Variants in CCSER1 observed in about 807,000 individuals in gnomAD.
CCSER1 encodes coiled-coil serine rich protein 1.
Under a neutral mutation model 82.0 loss-of-function variants are expected in CCSER1, and 41 were observed. The observed-to-expected ratio is 0.50, with a 90% CI of 0.39 to 0.65. CCSER1 has a LOEUF of 0.65. Ranked by LOEUF, CCSER1 falls within the 30% of genes least tolerant of loss-of-function variation. CCSER1 has a pLI of 0.00. For missense variants in CCSER1, 1,119 were observed against 1,064.2 expected, an observed-to-expected ratio of 1.05 and a Z score of -0.72; for synonymous variants, 414 against 383.9, an observed-to-expected ratio of 1.08 and a Z score of -0.92.
intron 6 of CCSER1, among the ~76,000 whole-genome samples, chr4:90,718,548 T>C (rs1465493862): frequency 6.6e-6 from 1 of 152,122 alleles, no homozygotes; most frequent in Non-Finnish European, 1.5e-5. Flanking sequence ...AGCATTCCCA[T>C]ATGGAACATG....
At chr4:90,143,311 C>G (rs11947970) in intron 1 of CCSER1, among the ~76,000 whole-genome samples, 1 of 151,930 alleles carries the variant, frequency 6.6e-6, no homozygotes, top group Non-Finnish European at 1.5e-5. Flanking sequence ...CTATTTTAAA[C>G]TCTCACTACC....
chr4:91,161,953 G>A (rs184226444), intron 10 of CCSER1, among the ~76,000 whole-genome samples: 2 of 152,028 alleles, frequency 1.3e-5, no homozygotes, highest in Admixed American at 6.6e-5. Context: ...TTGCCCTGGC[G>A]AGAACTTCCA....
intron 5 of CCSER1, among the ~76,000 whole-genome samples, chr4:90,553,949 A>C (rs2153643181): frequency 6.6e-6 from 1 of 152,330 alleles, no homozygotes; most frequent in South Asian, 2.1e-4. Context: ...GCATTCTAAA[A>C]CCAAAGAACT....
At chr4:90,963,677 T>G (rs891808371) in intron 9 of CCSER1, among the ~76,000 whole-genome samples, 2 of 151,844 alleles carry the variant, frequency 1.3e-5, no homozygotes, top group African/African-American at 4.8e-5. Flanking sequence ...AGGCCTCAAG[T>G]GAAACCAGAC....
chr4:90,880,554 C>A (rs549662983), intron 8 of CCSER1, among the ~76,000 whole-genome samples: 1 of 152,296 alleles, frequency 6.6e-6, no homozygotes, highest in East Asian at 1.9e-4. Context: ...AGAGCAGTTC[C>A]ACTGCAGAGG....
chr4:91,015,118 T>C (rs945057201), intron 9 of CCSER1, among the ~76,000 whole-genome samples: 3 of 152,124 alleles, frequency 2.0e-5, no homozygotes, highest in African/African-American at 7.2e-5. Flanking sequence ...GATGTTAGTC[T>C]GTGAAATACT....
At chr4:91,397,806 G>A (rs987073365) in intron 10 of CCSER1, among the ~76,000 whole-genome samples, 5 of 151,884 alleles carry the variant, frequency 3.3e-5, no homozygotes, top group Admixed American at 1.3e-4. Context: ...GATTTCAGTG[G>A]CAATGTGAAA....
Position 90,237,004 on chromosome 4 carries a change from A to G in CCSER1, c.-41-71240A>G, listed in dbSNP as rs951098683. 2.0e-5 allele frequency among the ~76,000 whole-genome samples: 3 copies of G among 152,170 alleles called. No individual in the cohort carries two copies. The East Asian group carries it at 5.8e-4, about 29-fold the overall frequency. Reference sequence around the variant, plus strand: ...AAACCAGTGATGGTACTGTGTTTAAACATCTCAATATGGATATGGGTTTTG... The same window carrying G: ...AAACCAGTGATGGTACTGTGTTTAAGCATCTCAATATGGATATGGGTTTTG... On this transcript the variant is annotated intron_variant, in intron 1 of 10. Transcript: ENST00000509176.
chr4:90,437,908 GT>G (rs1330813955), intron 4 of CCSER1, among the ~76,000 whole-genome samples: 2 of 152,128 alleles, frequency 1.3e-5, no homozygotes, highest in South Asian at 4.1e-4. Context: ...TATGATCTGA[GT>G]TTTTATCAAC....
At position 90,283,745 on chromosome 4, in the gene CCSER1, T is replaced by G. The variant is rs574896667; in HGVS notation, c.-41-24499T>G. Among the ~76,000 whole-genome samples the G allele has an allele frequency of 2.1e-3, 321 of 152,200 alleles. 2 individuals carry two copies. Among genetic ancestry groups the G allele is most frequent in the African/African-American group, 7.2e-3 (299 of 41,570 alleles). On this transcript the variant is annotated intron_variant, in intron 1 of 10. Coordinates refer to ENST00000509176, the MANE Select transcript of CCSER1 (RefSeq NM_001145065.2). ...ATTCATATGTTGATGGACACTTAGG[T>G]TGATTCCATATCTTGGCTCTTGTGA... is the stretch of plus-strand genomic sequence containing the variant.
intron 5 of CCSER1, among the ~76,000 whole-genome samples, chr4:90,500,764 T>C (rs1446236978): frequency 2.0e-5 from 3 of 152,152 alleles, no homozygotes; most frequent in Admixed American, 1.3e-4. Context: ...ATTTTTATTA[T>C]AAAGTTTGAA....
intron 1 of CCSER1, among the ~76,000 whole-genome samples, chr4:90,286,897 C>G (rs2153463533): frequency 6.6e-6 from 1 of 152,084 alleles, no homozygotes; most frequent in African/African-American, 2.4e-5. Flanking sequence ...AAGAGGTGTT[C>G]TTTCTCTGTC....
intron 10 of CCSER1, among the ~76,000 whole-genome samples, chr4:91,338,153 C>T (rs545610553): frequency 2.6e-5 from 4 of 152,110 alleles, no homozygotes; most frequent in African/African-American, 9.7e-5. Flanking sequence ...ATTGTTTGTG[C>T]ACTTTCTTTC....
intron 5 of CCSER1, among the ~76,000 whole-genome samples, chr4:90,501,255 T>C (rs1018574551): frequency 6.6e-6 from 1 of 152,188 alleles, no homozygotes; most frequent in African/African-American, 2.4e-5. Context: ...TTCATAGTAG[T>C]AATAGAATGT....
At chr4:90,252,190 T>C (rs1722521916) in intron 1 of CCSER1, among the ~76,000 whole-genome samples, 1 of 151,884 alleles carries the variant, frequency 6.6e-6, no homozygotes. Flanking sequence ...AATCCAAAAA[T>C]TTGAAATCCA....
intron 6 of CCSER1, among the ~76,000 whole-genome samples, chr4:90,657,752 T>C (rs1227034764): frequency 1.3e-5 from 2 of 152,338 alleles, no homozygotes; most frequent in Admixed American, 6.5e-5. Context: ...AAATTTTTCA[T>C]CTTGTCATGT....
At chr4:90,822,273 T>C (rs545334606) in intron 8 of CCSER1, among the ~76,000 whole-genome samples, 1 of 152,330 alleles carries the variant, frequency 6.6e-6, no homozygotes, top group African/African-American at 2.4e-5. Flanking sequence ...CAGATTTGTA[T>C]GGATAATCAC....
At chr4:90,299,432 C>A (rs906719058) in intron 1 of CCSER1, among the ~76,000 whole-genome samples, 20 of 152,084 alleles carry the variant, frequency 1.3e-4, no homozygotes, top group African/African-American at 4.8e-4. Context: ...AAATTATATA[C>A]AAATTTAATA....
At chr4:91,105,928 A>G (rs950712457) in intron 10 of CCSER1, among the ~76,000 whole-genome samples, 1 of 152,126 alleles carries the variant, frequency 6.6e-6, no homozygotes, top group Non-Finnish European at 1.5e-5. Context: ...TGCTGCAGAA[A>G]CATCAAAGTG....
Sources: allele counts gnomAD v4.1 joint callset (sites outside exome capture counted in the v4.1 genomes callset), GRCh38; gene constraint gnomAD v4.1.1; transcripts MANE v1.5; gene names NCBI Gene and HGNC (gene_info 2026-07-23, HGNC 2026-07-21).